The following PDGFD variants were observed in gnomAD, a reference collection of about 807,000 sequenced individuals.
The protein encoded by PDGFD is platelet-derived growth factor D.
A neutral mutation model predicts 44.7 loss-of-function variants in PDGFD; 30 were observed. The observed-to-expected ratio is 0.67, with a 90% CI of 0.50 to 0.91. PDGFD has a LOEUF of 0.91. Ranked by LOEUF, PDGFD falls within the 40% of genes least tolerant of loss-of-function variation. The pLI is 0.00. For missense variants in PDGFD, 445 were observed against 457.8 expected (o/e 0.97, Z 0.25); for synonymous variants, 173 against 168.4 (o/e 1.03, Z -0.21).
intron 5 of PDGFD, among the ~76,000 whole-genome samples, chr11:103,928,589 G>A (rs373854172): frequency 2.0e-5 from 3 of 152,178 alleles, no homozygotes; most frequent in East Asian, 3.8e-4. Flanking sequence ...ATCTACAACT[G>A]TGCTTTGATT....
At chr11:104,009,192 C>T (rs1257795277) in intron 1 of PDGFD, among the ~76,000 whole-genome samples, 2 of 152,006 alleles carry the variant, frequency 1.3e-5, no homozygotes, top group African/African-American at 2.4e-5. Flanking sequence ...CCAGTAGCAC[C>T]AGAGCCAGGC....
chr11:104,027,787 C>A (rs1488588879), intron 1 of PDGFD, among the ~76,000 whole-genome samples: 2 of 152,100 alleles, frequency 1.3e-5, no homozygotes, highest in African/African-American at 4.8e-5. Context: ...TTTGCAGATG[C>A]CTGTATTTTG....
chr11:104,141,927 T>G (rs1862091438), intron 1 of PDGFD, among the ~76,000 whole-genome samples: 1 of 152,220 alleles, frequency 6.6e-6, no homozygotes, highest in Non-Finnish European at 1.5e-5. Flanking sequence ...TTGTGCAATT[T>G]AATCCAGAAC....
rs201864924 is a variant in PDGFD, at chr11:104,144,507, C to CAAAAAAAA, written c.124+19289_124+19296dup. ...GGCAATAAGAGCAAAACTCCGTCAC[C>CAAAAAAAA]AAAAAAAAAAAAAAAAAAAAACCCA... On this transcript the variant is annotated intron_variant, in intron 1 of 6. Transcript: ENST00000393158. Among the ~76,000 whole-genome samples, 163 of 73,764 alleles carry CAAAAAAAA rather than the reference C, an allele frequency of 2.2e-3. 2 individuals carry two copies. Among genetic ancestry groups the CAAAAAAAA allele is most frequent in the African/African-American group, 9.6e-3 (152 of 15,802 alleles). The allele number at this position is 73,764 out of a possible 152,430, so 48.4% of individuals were successfully genotyped here. A position where few individuals can be genotyped will look rare whatever the true frequency, so the allele number is the denominator to read the frequency against.
chr11:103,994,426 T>A (rs1859504141), intron 3 of PDGFD, among the ~76,000 whole-genome samples: 2 of 152,222 alleles, frequency 1.3e-5, no homozygotes. Flanking sequence ...TGCATGAGTT[T>A]GCAATAATGT....
At chr11:103,966,244 TCA>T (rs1245910273) in intron 3 of PDGFD, among the ~76,000 whole-genome samples, 4 of 152,186 alleles carry the variant, frequency 2.6e-5, no homozygotes, top group African/African-American at 9.7e-5. Context: ...CTGCATTTAA[TCA>T]CAGTGTCAGA....
intron 1 of PDGFD, among the ~76,000 whole-genome samples, chr11:104,162,485 G>C (rs929950244): frequency 6.6e-6 from 1 of 151,992 alleles, no homozygotes; most frequent in Non-Finnish European, 1.5e-5. Flanking sequence ...AATAAATTAC[G>C]TGCTTTTAAC....
intron 3 of PDGFD, among the ~76,000 whole-genome samples, chr11:103,965,746 A>C (rs1181214825): frequency 6.6e-6 from 1 of 152,164 alleles, no homozygotes; most frequent in Non-Finnish European, 1.5e-5. Context: ...TGCCCTTGAG[A>C]GGTCCTATCA....
intron 1 of PDGFD, among the ~76,000 whole-genome samples, chr11:104,021,555 C>G (rs530410052): frequency 6.6e-6 from 1 of 152,244 alleles, no homozygotes; most frequent in Non-Finnish European, 1.5e-5. Context: ...TATGCTTCTG[C>G]TGCTGCCATG....
At chr11:103,959,760 A>G (rs1858908850) in intron 3 of PDGFD, among the ~76,000 whole-genome samples, 2 of 152,194 alleles carry the variant, frequency 1.3e-5, no homozygotes, top group African/African-American at 4.8e-5. Flanking sequence ...ACCATGGTTA[A>G]CATCAGTGAA....
chr11:104,008,937 T>A (rs1054199472), intron 1 of PDGFD, among the ~76,000 whole-genome samples: 1 of 152,026 alleles, frequency 6.6e-6, no homozygotes, highest in Admixed American at 6.6e-5. Context: ...CTGAAAGACA[T>A]TTAAAGATAA....
intron 2 of PDGFD, among the ~76,000 whole-genome samples, chr11:103,996,800 T>A (rs1008447955): frequency 6.6e-6 from 1 of 152,208 alleles, no homozygotes; most frequent in Non-Finnish European, 1.5e-5. Flanking sequence ...GATCACGTCA[T>A]AAAATATGAA....
At chr11:103,926,775 G>T in intron 6 of PDGFD, 137 bp downstream of exon 6, 1 of 873,808 alleles carries the variant, frequency 1.1e-6, no homozygotes, top group Non-Finnish European at 1.8e-6. Context: ...CCTAGTGTGG[G>T]TAGAATTTCT....
intron 3 of PDGFD, among the ~76,000 whole-genome samples, chr11:103,973,514 G>C (rs1205420634): frequency 6.6e-6 from 1 of 152,114 alleles, no homozygotes; most frequent in African/African-American, 2.4e-5. Flanking sequence ...ATCAGAAGTA[G>C]TTGATAATCC....
At chr11:103,958,586 G>T (rs1298008176) in intron 3 of PDGFD, among the ~76,000 whole-genome samples, 2 of 152,142 alleles carry the variant, frequency 1.3e-5, no homozygotes, top group Non-Finnish European at 2.9e-5. Flanking sequence ...TTTCTTGCAA[G>T]CACAGTGCCT....
At chr11:103,917,094 AC>A (rs200615149) in intron 6 of PDGFD, among the ~76,000 whole-genome samples, 53 of 152,042 alleles carry the variant, frequency 3.5e-4, no homozygotes, top group South Asian at 6.2e-4. Context: ...TAAAAAAAAA[AC>A]ACACAACATG....
intron 1 of PDGFD, among the ~76,000 whole-genome samples, chr11:104,116,012 C>T (rs976235777): frequency 6.6e-6 from 1 of 151,686 alleles, no homozygotes; most frequent in Admixed American, 6.6e-5. Context: ...GCTGACTGTT[C>T]CTTTTGTCAT....
chr11:103,939,409 T>A (rs1370998017), intron 5 of PDGFD, among the ~76,000 whole-genome samples: 1 of 152,196 alleles, frequency 6.6e-6, no homozygotes, highest in Non-Finnish European at 1.5e-5. Context: ...TGATTTTGTA[T>A]CCTGAGACTT....
Position 103,909,778 on chromosome 11 carries a change from T to C in PDGFD, c.1029A>G (p.Arg343=), listed in dbSNP as rs766652003. The C allele has an allele frequency of 6.2e-7, 1 of 1,614,148 alleles. No individual in the cohort carries two copies. Among genetic ancestry groups the C allele is most frequent in the Non-Finnish European group, 8.5e-7 (1 of 1,179,970 alleles). Reference sequence around the variant, plus strand: ...TGTCAACTAGAGCCATGGTCTTAGCTCTACCCCTCCTCTTGATGTGGCCAG... The same window carrying C: ...TGTCAACTAGAGCCATGGTCTTAGCCCTACCCCTCCTCTTGATGTGGCCAG... ...FEPGHIKRRG[R]AKTMALVDIQ... is the part of the protein sequence containing the mutation. Residue 343 remains arginine (R), a synonymous_variant, in exon 7 of 7, where the codon AGA becomes AGG. Coordinates refer to ENST00000393158, the MANE Select transcript of PDGFD (RefSeq NM_025208.5).
Sources: gnomAD v4.1 joint callset for allele counts (sites outside exome capture counted in the v4.1 genomes callset) on GRCh38, gnomAD v4.1.1 for gene constraint, MANE v1.5 for transcripts, NCBI Gene and HGNC (gene_info 2026-07-23, HGNC 2026-07-21) for gene names.